Variants in DDHD2 observed in about 807,000 individuals in gnomAD.
DDHD2 encodes the protein DDHD domain containing 2.
Under a neutral mutation model 91.2 loss-of-function variants are expected in DDHD2, and 62 were observed. The observed-to-expected ratio is 0.68, with a 90% CI of 0.55 to 0.84. The LOEUF is 0.84. Ranked by LOEUF, DDHD2 falls within the 40% of genes least tolerant of loss-of-function variation. The probability of loss-of-function intolerance (pLI) is 0.00; values close to 1 mark genes in which losing one functional copy is unlikely to be tolerated. For missense variants in DDHD2, 740 were observed against 846.9 expected (o/e 0.87, Z 1.57); for synonymous variants, 271 against 293.9 (o/e 0.92, Z 0.80).
rs764473228 is a variant in DDHD2, at chr8:38,252,237, C to A, written c.1567C>A (p.Pro523Thr). ...TGTCCGAGGACTAAAAAGAATTGAT[C>A]CCAACTACAGATTTCCAACGTGCAA... ...LTVRGLKRID[P>T]NYRFPTCKGF... The change falls in exon 13 of 18, where the codon CCC (proline) becomes ACC (threonine). Residue 523 changes from proline (P) to threonine (T), a missense_variant. Transcript: ENST00000397166. 1.2e-6 allele frequency: 2 copies of A among 1,614,108 alleles called. No individual in the cohort carries two copies. The highest frequency in any genetic ancestry group is 1.7e-6 in the Non-Finnish European group (2 of 1,180,022).
At chr8:38,269,252 G>A (rs963430902) in intron 1 of DDHD2, 11 of 1,385,330 alleles carry the variant, frequency 7.9e-6, no homozygotes. Flanking sequence ...TCCGCGGGGA[G>A]GGCCGGGCCG....
At chr8:38,243,670 T>C (rs1019204036) in intron 7 of DDHD2, among the ~76,000 whole-genome samples, 5 of 152,040 alleles carry the variant, frequency 3.3e-5, no homozygotes, top group Non-Finnish European at 7.4e-5. Flanking sequence ...TCTTTTTTTT[T>C]TGGTTGGAGT....
chr8:38,261,444 A>G lies in DDHD2; in HGVS notation c.*871A>G, dbSNP rs530850914. ...ACAGGCTGCTGAGGTTCTAAATAAA[A>G]CCTTTTAGTGGTGCCTTTATGGTGA... On this transcript the variant is annotated 3_prime_UTR_variant, in exon 18 of 18. Coordinates refer to ENST00000397166, the MANE Select transcript of DDHD2 (RefSeq NM_015214.3). The G allele has an allele frequency of 2.6e-5, 4 of 152,214 alleles. No individual in the cohort carries two copies. The highest frequency in any genetic ancestry group is 2.6e-4 in the Admixed American group (4 of 15,292). The allele number at this position is 152,214 out of a possible 1,614,324, so 9.4% of individuals were successfully genotyped here.
At position 38,262,196 on chromosome 8, in the gene DDHD2, G is replaced by A. The variant is rs1807086855; in HGVS notation, c.*1623G>A. On this transcript the variant is annotated 3_prime_UTR_variant, in exon 18 of 18. Coordinates refer to ENST00000397166, the MANE Select transcript of DDHD2 (RefSeq NM_015214.3). ...TTTTTTAAAGGTATATAAACTCTGAGTTATTGAGAATTAAGTATTCACTGT... is the reference window on the plus strand; with the variant it reads ...TTTTTTAAAGGTATATAAACTCTGAATTATTGAGAATTAAGTATTCACTGT... 1.3e-5 allele frequency: 2 copies of A among 152,156 alleles called. No homozygotes were observed. The highest frequency in any genetic ancestry group is 4.8e-5 in the African/African-American group (2 of 41,428). 9.4% of individuals were successfully genotyped at this position (152,156 alleles called of 1,614,324 possible). A position where few individuals can be genotyped will look rare whatever the true frequency, so the allele number is the denominator to read the frequency against.
At position 38,251,932 on chromosome 8, in the gene DDHD2, G is replaced by T. The variant is rs199597606; in HGVS notation, c.1365G>T (p.Pro455=). 6.2e-7 allele frequency: 1 copy of T among 1,613,456 alleles called. No homozygotes were observed. Among genetic ancestry groups the T allele is most frequent in the Admixed American group, 1.7e-5 (1 of 59,976 alleles). The change falls in exon 12 of 18, where the codon CCG becomes CCT. Residue 455 remains proline (P), a synonymous_variant. Coordinates refer to ENST00000397166, the MANE Select transcript of DDHD2 (RefSeq NM_015214.3). ...TTTAGGGTATTAAGAGACCAGCCCC[G>T]CAGCCTGCTTCAGGGGCAAACATCC... is the stretch of plus-strand genomic sequence containing the variant. ...KNSMGIKRPA[P]QPASGANIPK... is the part of the protein sequence containing the mutation.
chr8:38,268,420 G>T (rs903160305), intron 1 of DDHD2: 6 of 1,577,754 alleles, frequency 3.8e-6, no homozygotes, highest in Admixed American at 1.8e-5. Context: ...TGAGAAATTT[G>T]GCCAGGAAGA....
At chr8:38,272,744 C>G (rs1808513281), downstream of DDHD2, 1 of 152,238 alleles carries the variant, frequency 6.6e-6, no homozygotes, top group Admixed American at 6.5e-5. Context: ...CACTTACACT[C>G]TGACCACATA....
intron 1 of DDHD2, chr8:38,268,088 A>T: frequency 6.6e-7 from 1 of 1,508,372 alleles, no homozygotes; most frequent in South Asian, 1.3e-5. Context: ...CACAAAAATA[A>T]TTAGGGTCCT....
At chr8:38,240,602 A>T (rs548804875) in intron 6 of DDHD2, among the ~76,000 whole-genome samples, 47 of 152,336 alleles carry the variant, frequency 3.1e-4, no homozygotes, top group African/African-American at 1.1e-3. Flanking sequence ...TCCCTATAAA[A>T]TTGTGTTTTA....
chr8:38,256,647 G>A (rs1178361185), intron 16 of DDHD2, among the ~76,000 whole-genome samples: 1 of 152,096 alleles, frequency 6.6e-6, no homozygotes, highest in Non-Finnish European at 1.5e-5. Flanking sequence ...TTTTATTGCT[G>A]AGTAGTATTC....
downstream of DDHD2, chr8:38,271,789 A>C (rs1485132325): frequency 6.6e-6 from 1 of 152,242 alleles, no homozygotes; most frequent in Non-Finnish European, 1.5e-5. Context: ...ATAGAATGTC[A>C]GCTTCCCAGC....
At position 38,249,795 on chromosome 8, in the gene DDHD2, A is replaced by C. The variant is rs1333356650; in HGVS notation, c.1336A>C (p.Asn446His). 1.9e-6 allele frequency: 3 copies of C among 1,603,082 alleles called. No individual in the cohort carries two copies. Among genetic ancestry groups the C allele is most frequent in the Non-Finnish European group, 8.5e-7 (1 of 1,170,722 alleles). Residue 446 changes from asparagine to histidine, a missense_variant, in exon 11 of 18, where the codon AAC (asparagine) becomes CAC (histidine). Transcript: ENST00000397166. ...KILNYFSTRK[N>H]SMGIKRPAPQ... Reference sequence around the variant, plus strand: ...ATTAAACTATTTCAGCACCAGAAAAAACTCAATGGTATGTGCCTAATACAG... The same window carrying C: ...ATTAAACTATTTCAGCACCAGAAAACACTCAATGGTATGTGCCTAATACAG...
chr8:38,271,670 C>G (rs918053522), downstream of DDHD2: 1 of 152,234 alleles, frequency 6.6e-6, no homozygotes, highest in African/African-American at 2.4e-5. Flanking sequence ...TCTGCACCAA[C>G]TTGGACAACT....
chr8:38,262,737 TA>T lies in DDHD2; in HGVS notation c.*2168del, dbSNP rs1401167792. The T allele has an allele frequency of 6.6e-6, 1 of 152,202 alleles. No individual in the cohort carries two copies. The highest frequency in any genetic ancestry group is 2.4e-5 in the African/African-American group (1 of 41,458). The allele number at this position is 152,202 out of a possible 1,614,324, so 9.4% of individuals were successfully genotyped here. Reference sequence around the variant, plus strand: ...TGTTTGTTTTCTACGTGATTATATTTAAAACTTTAGTAAATACTAACATGAA... The same window carrying T: ...TGTTTGTTTTCTACGTGATTATATTTAAACTTTAGTAAATACTAACATGAA... On this transcript the variant is annotated 3_prime_UTR_variant, in exon 18 of 18. Transcript: ENST00000397166.
intron 16 of DDHD2, among the ~76,000 whole-genome samples, chr8:38,259,311 C>T (rs1308520189): frequency 6.6e-6 from 1 of 151,608 alleles, no homozygotes; most frequent in East Asian, 1.9e-4. Context: ...ACCTTTGCCT[C>T]CTCGGTTCAA....
intron 7 of DDHD2, among the ~76,000 whole-genome samples, chr8:38,243,690 TGATCACAGCTCACTGCAGC>T (rs1424155268): frequency 3.3e-5 from 5 of 152,000 alleles, no homozygotes; most frequent in Non-Finnish European, 7.4e-5. Flanking sequence ...TGCAGTGGTG[TGATCACAGCTCACTGCAGC>T]CTGGACCTCC....
chr8:38,266,879 A>C (rs1391031781), downstream of DDHD2: 1 of 283,924 alleles, frequency 3.5e-6, no homozygotes, highest in Non-Finnish European at 6.0e-6. Context: ...CTCATCTATA[A>C]ATGGGACTCA....
chr8:38,268,495 A>C, intron 1 of DDHD2: 3 of 1,536,644 alleles, frequency 2.0e-6, no homozygotes, highest in East Asian at 2.5e-5. Flanking sequence ...AAAACAATCC[A>C]AAAAAAAGCC....
At chr8:38,251,873 A>C in intron 11 of DDHD2, 39 bp from the exon 12 acceptor site, 1 of 1,495,052 alleles carries the variant, frequency 6.7e-7, no homozygotes. Context: ...GCATGCCGTC[A>C]TGCCCAGCTT....
Sources: allele counts gnomAD v4.1 joint callset (sites outside exome capture counted in the v4.1 genomes callset), GRCh38; gene constraint gnomAD v4.1.1; transcripts MANE v1.5; gene names NCBI Gene and HGNC (gene_info 2026-07-23, HGNC 2026-07-21).